The following CNTNAP4 variants were observed in gnomAD, a reference collection of about 807,000 sequenced individuals.
CNTNAP4 encodes contactin associated protein family member 4.
In CNTNAP4, 98 loss-of-function variants were observed where a neutral mutation model predicts 148.4. That is an observed-to-expected ratio of 0.66 (90% CI 0.56 to 0.78). CNTNAP4 has a LOEUF of 0.78. Among genes scored for constraint, CNTNAP4 ranks in the 30% least tolerant of loss-of-function variants. The pLI, the probability that CNTNAP4 is intolerant of heterozygous loss-of-function variation, is 0.00. For synonymous variants in CNTNAP4, 730 were observed against 565.1 expected (o/e 1.29, Z -4.14); for missense variants, 1,935 against 1,565.6 (o/e 1.24, Z -3.98).
At chr16:76,514,587 T>C (rs1357961540) in intron 15 of CNTNAP4, among the ~76,000 whole-genome samples, 1 of 152,120 alleles carries the variant, frequency 6.6e-6, no homozygotes, top group Non-Finnish European at 1.5e-5. Flanking sequence ...GTGGGGGTGG[T>C]TAGGGGGTGT....
At chr16:76,448,706 A>C in intron 5 of CNTNAP4, 61 bp from the exon 6 acceptor site, 2 of 1,221,358 alleles carry the variant, frequency 1.6e-6, no homozygotes, top group Non-Finnish European at 2.3e-6. Flanking sequence ...ACAGAAGGGA[A>C]CCTTTTTTTT....
At chr16:76,333,087 G>A (rs1597224452) in intron 2 of CNTNAP4, among the ~76,000 whole-genome samples, 1 of 152,160 alleles carries the variant, frequency 6.6e-6, no homozygotes, top group African/African-American at 2.4e-5. Flanking sequence ...GTAAGGATAA[G>A]GTTTGTTTTA....
chr16:76,351,312 G>A (rs1291909331), intron 2 of CNTNAP4, among the ~76,000 whole-genome samples: 6 of 151,784 alleles, frequency 4.0e-5, no homozygotes, highest in African/African-American at 1.5e-4. Flanking sequence ...TCTAACCTCA[G>A]CTGCAGTTAC....
intron 4 of CNTNAP4, among the ~76,000 whole-genome samples, chr16:76,447,102 A>G (rs9922099): frequency 0.62 from 94,010 of 151,838 alleles, 29,376 homozygotes; most frequent in South Asian, 0.71. Flanking sequence ...AAACCCAGGA[A>G]TTCGAGACCA....
chr16:76,390,779 C>G (rs2016919009), intron 3 of CNTNAP4, among the ~76,000 whole-genome samples: 1 of 152,180 alleles, frequency 6.6e-6, no homozygotes, highest in East Asian at 1.9e-4. Context: ...TTGAATCTTT[C>G]AAGCACTTCT....
intron 10 of CNTNAP4, chr16:76,469,408 GC>G (rs965453810): frequency 6.6e-6 from 1 of 152,172 alleles, no homozygotes; most frequent in Non-Finnish European, 1.5e-5. Flanking sequence ...GGCTTCCTGG[GC>G]CTGGCTTCTC....
intron 9 of CNTNAP4, among the ~76,000 whole-genome samples, 163 bp from the exon 10 acceptor site, chr16:76,467,189 G>C (rs1935076293): frequency 6.6e-6 from 1 of 152,116 alleles, no homozygotes; most frequent in Admixed American, 6.5e-5. Flanking sequence ...ATGAATTTCA[G>C]TTTGTAATTT....
At chr16:76,325,795 G>A (rs1028831023) in intron 2 of CNTNAP4, among the ~76,000 whole-genome samples, 4 of 151,948 alleles carry the variant, frequency 2.6e-5, no homozygotes, top group African/African-American at 9.7e-5. Context: ...TTAATAAAAT[G>A]GAAAACAAGC....
chr16:76,288,547 A>C (rs561880191), intron 1 of CNTNAP4, among the ~76,000 whole-genome samples: 2 of 152,264 alleles, frequency 1.3e-5, no homozygotes, highest in South Asian at 4.1e-4. Context: ...TCACCACCTC[A>C]ACTTTAATCA....
rs1958521032 is a variant in CNTNAP4 at position 76,277,531 on chromosome 16, G to A, written c.-132G>A. The A allele has an allele frequency of 1.6e-6, 1 of 615,258 alleles. No homozygotes were observed. The highest frequency in any genetic ancestry group is 2.8e-5 in the Admixed American group (1 of 36,084). 38.1% of individuals were successfully genotyped at this position (615,258 alleles called of 1,614,324 possible). On this transcript the variant is annotated 5_prime_UTR_variant, in exon 1 of 24. Coordinates refer to ENST00000611870, the MANE Select transcript of CNTNAP4 (RefSeq NM_033401.5). The stretch of plus-strand genomic sequence containing the variant: ...AAGAAAAGACGGAGGGAGGTGAGGA[G>A]GAAGGGAGGGGGAGAGACAGAGACC...
chr16:76,460,033 G>A (rs2080880919), intron 8 of CNTNAP4, among the ~76,000 whole-genome samples: 1 of 152,106 alleles, frequency 6.6e-6, no homozygotes, highest in Non-Finnish European at 1.5e-5. Context: ...AAATATGTAA[G>A]TAAATAGAAA....
chr16:76,465,149 A>C (rs74456604), intron 9 of CNTNAP4, among the ~76,000 whole-genome samples: 19 of 152,298 alleles, frequency 1.2e-4, no homozygotes, highest in African/African-American at 4.3e-4. Context: ...TTTATCTGTT[A>C]TCCTCGGAGG....
chr16:76,380,894 T>A (rs1242876751), intron 3 of CNTNAP4, among the ~76,000 whole-genome samples: 2 of 152,190 alleles, frequency 1.3e-5, no homozygotes, highest in African/African-American at 4.8e-5. Flanking sequence ...AAGAAAAAAT[T>A]ATGACCTATC....
intron 14 of CNTNAP4, among the ~76,000 whole-genome samples, chr16:76,497,921 G>A (rs1043465049): frequency 2.6e-5 from 4 of 151,956 alleles, no homozygotes; most frequent in Middle Eastern, 3.2e-3. Context: ...TAGCAAAATG[G>A]TAGACCTCAA....
At chr16:76,518,766 C>T (rs1317840219) in intron 15 of CNTNAP4, among the ~76,000 whole-genome samples, 2 of 152,106 alleles carry the variant, frequency 1.3e-5, no homozygotes, top group Non-Finnish European at 2.9e-5. Context: ...GTAGTCACCC[C>T]AGTCTGCTAT....
At chr16:76,499,380 C>G (rs528535459) in intron 15 of CNTNAP4, among the ~76,000 whole-genome samples, 6 of 152,088 alleles carry the variant, frequency 3.9e-5, no homozygotes, top group Admixed American at 3.9e-4. Flanking sequence ...CTGTTTGAGA[C>G]TGTAGACCTC....
intron 1 of CNTNAP4, among the ~76,000 whole-genome samples, chr16:76,282,142 C>T (rs1311588695): frequency 6.6e-6 from 1 of 151,768 alleles, no homozygotes; most frequent in Non-Finnish European, 1.5e-5. Flanking sequence ...TATATACTTG[C>T]AGAGTTGTGG....
At chr16:76,466,967 C>T (rs983479762) in intron 9 of CNTNAP4, among the ~76,000 whole-genome samples, 4 of 152,014 alleles carry the variant, frequency 2.6e-5, no homozygotes, top group Non-Finnish European at 5.9e-5. Flanking sequence ...ATACATAGTA[C>T]ATGTTTTCAT....
At chr16:76,368,474 A>C (rs1425266875) in intron 3 of CNTNAP4, among the ~76,000 whole-genome samples, 4 of 152,202 alleles carry the variant, frequency 2.6e-5, no homozygotes, top group African/African-American at 9.7e-5. Flanking sequence ...GCACATATAC[A>C]CTGTGGAATA....
Sources: gnomAD v4.1 joint callset for allele counts (sites outside exome capture counted in the v4.1 genomes callset) on GRCh38, gnomAD v4.1.1 for gene constraint, MANE v1.5 for transcripts, NCBI Gene and HGNC (gene_info 2026-07-23, HGNC 2026-07-21) for gene names.